Variants in FER observed in about 807,000 individuals in gnomAD.
FER encodes the protein tyrosine-protein kinase Fer.
In FER, 63 loss-of-function variants were observed where a neutral mutation model predicts 111.0. That is an observed-to-expected ratio of 0.57 (90% CI 0.46 to 0.70). The LOEUF is 0.70. Among genes scored for constraint, FER ranks in the 30% least tolerant of loss-of-function variants. The pLI, the probability that FER is intolerant of heterozygous loss-of-function variation, is 0.00. For synonymous variants in FER, 327 were observed against 313.9 expected, an observed-to-expected ratio of 1.04 and a Z score of -0.44; for missense variants, 914 against 954.0, an observed-to-expected ratio of 0.96 and a Z score of 0.55.
intron 17 of FER, among the ~76,000 whole-genome samples, chr5:109,133,890 C>T (rs1169582850): frequency 6.6e-6 from 1 of 151,944 alleles, no homozygotes; most frequent in Non-Finnish European, 1.5e-5. Flanking sequence ...AAAATTTGTT[C>T]TTAAAGACTA....
intron 1 of FER, among the ~76,000 whole-genome samples, chr5:108,760,291 G>A (rs1751585810): frequency 6.6e-6 from 1 of 151,764 alleles, no homozygotes; most frequent in African/African-American, 2.4e-5. Flanking sequence ...AGTAGATTTA[G>A]TATCATTCTT....
At chr5:109,127,888 T>A (rs1247662331) in intron 17 of FER, among the ~76,000 whole-genome samples, 1 of 152,202 alleles carries the variant, frequency 6.6e-6, no homozygotes, top group Non-Finnish European at 1.5e-5. Context: ...AAAGTTATTT[T>A]TCATAATATT....
chr5:108,786,641 C>T (rs750664364), intron 2 of FER, among the ~76,000 whole-genome samples: 2 of 152,052 alleles, frequency 1.3e-5, no homozygotes, highest in Non-Finnish European at 2.9e-5. Flanking sequence ...GCTGGGGCTA[C>T]AGGAGCCTGC....
chr5:108,998,460 C>T lies in FER; in HGVS notation c.1657-38962C>T, dbSNP rs142833129. 1.7e-3 allele frequency among the ~76,000 whole-genome samples: 265 copies of T among 152,276 alleles called. 1 individual carries two copies. Among genetic ancestry groups the T allele is most frequent in the Non-Finnish European group, 2.9e-3 (197 of 68,012 alleles). Reference sequence around the variant, plus strand: ...GGCGACATCCCATCCTTCTTCGGCTCGCCCTCCATTGGCCGCACCCACTGT... The same window carrying T: ...GGCGACATCCCATCCTTCTTCGGCTTGCCCTCCATTGGCCGCACCCACTGT... On this transcript the variant is annotated intron_variant, in intron 13 of 19. Transcript: ENST00000281092.
chr5:109,154,107 G>A (rs1755123062), intron 17 of FER, among the ~76,000 whole-genome samples: 1 of 151,338 alleles, frequency 6.6e-6, no homozygotes, highest in Non-Finnish European at 1.5e-5. Flanking sequence ...CTCGAAGAAC[G>A]GGTCCACCCT....
chr5:108,915,567 T>G (rs1752161049), intron 10 of FER, among the ~76,000 whole-genome samples: 1 of 151,932 alleles, frequency 6.6e-6, no homozygotes, highest in South Asian at 2.1e-4. Context: ...AGCCTGAGCG[T>G]TGTTCTTATT....
chr5:108,895,848 C>T (rs960795733), intron 9 of FER, among the ~76,000 whole-genome samples: 1 of 152,078 alleles, frequency 6.6e-6, no homozygotes, highest in Non-Finnish European at 1.5e-5. Context: ...GAATTATATT[C>T]AGATGTTCAG....
chr5:108,883,621 A>G, intron 9 of FER, 103 bp downstream of exon 9: 1 of 1,052,712 alleles, frequency 9.5e-7, no homozygotes, highest in Non-Finnish European at 1.3e-6. Flanking sequence ...TAGAAACAGA[A>G]ACTTTTATTT....
At chr5:109,053,383 A>C (rs1415269328) in intron 16 of FER, among the ~76,000 whole-genome samples, 2 of 59,456 alleles carry the variant, frequency 3.4e-5, no homozygotes, top group African/African-American at 1.4e-4. Context: ...ACTCCGTCTC[A>C]AAAAAAAAAA....
chr5:108,844,065 T>TGTGTGTGAAC (rs1382291189), intron 5 of FER, among the ~76,000 whole-genome samples: 5,370 of 148,332 alleles, frequency 0.036, 219 homozygotes, highest in African/African-American at 0.044. Context: ...TGAACATATA[T>TGTGTGTGAAC]ATGTGTGTGA....
chr5:108,943,158 C>T (rs1756499728), intron 10 of FER, among the ~76,000 whole-genome samples: 1 of 152,098 alleles, frequency 6.6e-6, no homozygotes, highest in African/African-American at 2.4e-5. Flanking sequence ...CGAACTGTGA[C>T]TAACTGCTCC....
chr5:108,833,877 A>G (rs1447180548), intron 4 of FER, among the ~76,000 whole-genome samples: 1 of 151,976 alleles, frequency 6.6e-6, no homozygotes, highest in Non-Finnish European at 1.5e-5. Flanking sequence ...CCGTCTCAAA[A>G]AAAAAAAAAA....
chr5:109,110,422 G>C (rs1427827302), intron 17 of FER, among the ~76,000 whole-genome samples: 1 of 152,028 alleles, frequency 6.6e-6, no homozygotes. Context: ...CTGGCAATGA[G>C]CATTGGAACT....
intron 3 of FER, among the ~76,000 whole-genome samples, chr5:108,808,308 T>G (rs1015116608): frequency 6.6e-6 from 1 of 152,152 alleles, no homozygotes; most frequent in African/African-American, 2.4e-5. Context: ...ATATTAAATA[T>G]AAGTTAAGTC....
intron 1 of FER, among the ~76,000 whole-genome samples, chr5:108,763,255 A>G (rs989395796): frequency 1.3e-5 from 2 of 152,246 alleles, no homozygotes; most frequent in Non-Finnish European, 2.9e-5. Context: ...TTACCTTGCC[A>G]TACTTTTATA....
chr5:108,767,133 G>C (rs1045122119), intron 1 of FER, among the ~76,000 whole-genome samples: 1 of 152,062 alleles, frequency 6.6e-6, no homozygotes, highest in Non-Finnish European at 1.5e-5. Context: ...GTGAAACCCT[G>C]TCTGTACTAA....
intron 3 of FER, 88 bp from the exon 4 acceptor site, chr5:108,832,682 C>T: frequency 2.2e-6 from 2 of 903,308 alleles, no homozygotes; most frequent in Non-Finnish European, 3.0e-6. Flanking sequence ...TTACATAAAA[C>T]TAAATATTTA....
chr5:109,139,463 G>A (rs1008494232), intron 17 of FER, among the ~76,000 whole-genome samples: 1 of 149,168 alleles, frequency 6.7e-6, no homozygotes, highest in African/African-American at 2.5e-5. Flanking sequence ...CCATTCTCCT[G>A]CTACTTCTCC....
At chr5:108,795,149 C>T (rs944485450) in intron 2 of FER, among the ~76,000 whole-genome samples, 1 of 152,084 alleles carries the variant, frequency 6.6e-6, no homozygotes, top group African/African-American at 2.4e-5. Context: ...CAAAGTGTGA[C>T]CCCTTCTTTA....
Sources: gnomAD v4.1 joint callset for allele counts (sites outside exome capture counted in the v4.1 genomes callset) on GRCh38, gnomAD v4.1.1 for gene constraint, MANE v1.5 for transcripts, NCBI Gene and HGNC (gene_info 2026-07-23, HGNC 2026-07-21) for gene names.